Variants in LZIC observed in about 807,000 individuals in gnomAD.
The protein encoded by LZIC is protein LZIC.
In LZIC, 28 loss-of-function variants were observed where a neutral mutation model predicts 25.4. The observed-to-expected ratio is 1.10, with a 90% CI of 0.82 to 1.51. The LOEUF is 1.51. Among genes scored for constraint, LZIC ranks in the 40% most tolerant of loss-of-function variants. LZIC has a pLI of 0.00. For missense variants in LZIC, 170 were observed against 211.1 expected (o/e 0.81, Z 1.21); for synonymous variants, 65 against 70.7 (o/e 0.92, Z 0.40).
Position 9,929,798 on chromosome 1 carries a change from T to A in LZIC, c.*601A>T, listed in dbSNP as rs1056758906. 4.5e-5 allele frequency: 44 copies of A among 984,460 alleles called. No individual in the cohort carries two copies. Among genetic ancestry groups the A allele is most frequent in the East Asian group, 1.1e-4 (1 of 8,834 alleles). 61.0% of individuals were successfully genotyped at this position (984,460 alleles called of 1,614,324 possible). The stretch of plus-strand genomic sequence containing the variant: ...CACAAATAGTGTTAATTATTTTTTT[T>A]AAATGGTACAGAAATAAAATTCAAA... On this transcript the variant is annotated 3_prime_UTR_variant, in exon 8 of 8. Transcript: ENST00000377223.
chr1:9,942,419 G>A (rs762383505), intron 2 of LZIC, among the ~76,000 whole-genome samples: 3 of 152,262 alleles, frequency 2.0e-5, no homozygotes, highest in Non-Finnish European at 4.4e-5. Flanking sequence ...AGGAGCTAAA[G>A]CTATTCTGAA....
rs768995317 is a variant in LZIC, at chr1:9,928,183, G to A, written c.*2216C>T. On this transcript the variant is annotated 3_prime_UTR_variant, in exon 8 of 8. Coordinates refer to ENST00000377223, the MANE Select transcript of LZIC (RefSeq NM_032368.5). Reference sequence around the variant, plus strand: ...CACAAAATTAGCCAGGTGTGGTGGCGCATGCCTTAATCCCAGCTACTCGGG... The same window carrying A: ...CACAAAATTAGCCAGGTGTGGTGGCACATGCCTTAATCCCAGCTACTCGGG... Among the ~76,000 whole-genome samples, 4 of 151,970 alleles carry A rather than the reference G, an allele frequency of 2.6e-5. 1 individual carries two copies. Among genetic ancestry groups the A allele is most frequent in the East Asian group, 3.9e-4 (2 of 5,150 alleles).
intron 6 of LZIC, among the ~76,000 whole-genome samples, chr1:9,932,458 G>A (rs1381703002): frequency 2.0e-5 from 3 of 151,152 alleles, no homozygotes; most frequent in Non-Finnish European, 4.4e-5. Flanking sequence ...TGTGGCGGGC[G>A]GATCACCTGA....
Position 9,928,251 on chromosome 1 carries a change from T to G in LZIC, c.*2148A>C, listed in dbSNP as rs1414615520. ...TCGCTTGAACCTGGGAGGCAGAAGTTGTGGTGAGCCGAGATCACGCCATTG... is the reference window on the plus strand; with the variant it reads ...TCGCTTGAACCTGGGAGGCAGAAGTGGTGGTGAGCCGAGATCACGCCATTG... On this transcript the variant is annotated 3_prime_UTR_variant, in exon 8 of 8. Coordinates refer to ENST00000377223, the MANE Select transcript of LZIC (RefSeq NM_032368.5). Among the ~76,000 whole-genome samples the G allele has an allele frequency of 6.6e-6, 1 of 151,764 alleles. No homozygotes were observed. The highest frequency in any genetic ancestry group is 1.5e-5 in the Non-Finnish European group (1 of 67,960).
At chr1:9,939,398 C>CTTTTTTTTTT in intron 2 of LZIC, among the ~76,000 whole-genome samples, 1 of 127,586 alleles carries the variant, frequency 7.8e-6, no homozygotes. Flanking sequence ...CAGAGTATCG[C>CTTTTTTTTTT]TCTGTCACCC....
At chr1:9,931,193 A>G (rs1338945425) in intron 7 of LZIC, among the ~76,000 whole-genome samples, 1 of 152,102 alleles carries the variant, frequency 6.6e-6, no homozygotes, top group African/African-American at 2.4e-5. Flanking sequence ...CAGCTTCTCA[A>G]GTAGCTAGAA....
chr1:9,932,023 T>C (rs757587923), intron 6 of LZIC, 51 bp from the exon 7 acceptor site: 1 of 1,390,732 alleles, frequency 7.2e-7, no homozygotes, highest in Non-Finnish European at 9.9e-7. Context: ...TTACAGGTGG[T>C]TCTAGAAACC....
At chr1:9,930,653 A>T (rs756349125) in intron 7 of LZIC, among the ~76,000 whole-genome samples, 196 bp from the exon 8 acceptor site, 7 of 152,160 alleles carry the variant, frequency 4.6e-5, no homozygotes, top group African/African-American at 9.7e-5. Context: ...CCAGCTACAA[A>T]GGGGGACTTA....
chr1:9,925,269 G>A (rs1427095478), downstream of LZIC, among the ~76,000 whole-genome samples: 1 of 151,926 alleles, frequency 6.6e-6, no homozygotes, highest in Non-Finnish European at 1.5e-5. Flanking sequence ...GCCGAGATCG[G>A]GCCATTGCAC....
intron 6 of LZIC, 118 bp downstream of exon 6, chr1:9,932,685 G>GAA (rs34009055): frequency 0.11 from 32,075 of 280,296 alleles, 854 homozygotes; most frequent in African/African-American, 0.21. Context: ...CTCCGTCTCA[G>GAA]AAAAAAAAAA....
At position 9,928,134 on chromosome 1, in the gene LZIC, G is replaced by A. The variant is rs1640054858; in HGVS notation, c.*2265C>T. ...GTTCGAGACCAGCCTGACCAACATG[G>A]AGAAACCCCATCTCTACTAAAAACA... On this transcript the variant is annotated 3_prime_UTR_variant, in exon 8 of 8. Transcript: ENST00000377223. Among the ~76,000 whole-genome samples the A allele has an allele frequency of 6.6e-6, 1 of 152,034 alleles. No individual in the cohort carries two copies. Among genetic ancestry groups the A allele is most frequent in the African/African-American group, 2.4e-5 (1 of 41,396 alleles).
chr1:9,941,410 G>A (rs1296368565), intron 2 of LZIC, among the ~76,000 whole-genome samples: 1 of 151,730 alleles, frequency 6.6e-6, no homozygotes, highest in Non-Finnish European at 1.5e-5. Flanking sequence ...GGCCAGGCTG[G>A]TCTCAAACTC....
At chr1:9,925,979 C>T (rs1197925971), downstream of LZIC, among the ~76,000 whole-genome samples, 3 of 144,266 alleles carry the variant, frequency 2.1e-5, no homozygotes, top group South Asian at 2.2e-4. Flanking sequence ...CTGCAAGCTC[C>T]GCCTCCCGGG....
At chr1:9,930,775 A>C (rs1199905881) in intron 7 of LZIC, among the ~76,000 whole-genome samples, 1 of 152,098 alleles carries the variant, frequency 6.6e-6, no homozygotes, top group East Asian at 1.9e-4. Flanking sequence ...GCTGGAGTGC[A>C]GTGGTGCGAT....
At chr1:9,932,770 T>C (rs1448124696) in intron 6 of LZIC, 33 bp downstream of exon 6, 1 of 1,265,688 alleles carries the variant, frequency 7.9e-7, no homozygotes. Context: ...ATTCATACTT[T>C]TTCTTTGTAA....
intron 2 of LZIC, among the ~76,000 whole-genome samples, chr1:9,939,564 GGTATTTTTAGTAGAGACAGT>G (rs1416968789): frequency 1.6e-4 from 4 of 25,458 alleles, no homozygotes; most frequent in Non-Finnish European, 3.3e-4. Context: ...TTTTTTTTTT[GGTATTTTTAGTAGAGACAGT>G]GTTTCGCCAT....
chr1:9,933,992 T>A (rs1310632204), intron 5 of LZIC, among the ~76,000 whole-genome samples: 1 of 151,956 alleles, frequency 6.6e-6, no homozygotes, highest in Non-Finnish European at 1.5e-5. Context: ...TTTGGGAGGC[T>A]GAGGCGGGCA....
chr1:9,936,472 G>GA (rs1311719183), intron 3 of LZIC, 47 bp downstream of exon 3: 17 of 1,361,426 alleles, frequency 1.2e-5, no homozygotes, highest in African/African-American at 4.3e-5. Context: ...GCTAGCTGCA[G>GA]AAAAAACGCC....
At position 9,939,940 on chromosome 1, in the gene LZIC, G is replaced by A. The variant is rs541303219; in HGVS notation, c.-9+2684C>T. Among the ~76,000 whole-genome samples, 8 of 152,086 alleles carry A rather than the reference G, an allele frequency of 5.3e-5. No individual in the cohort carries two copies. In the East Asian group the frequency reaches 1.2e-3, roughly 22 times the overall value. On this transcript the variant is annotated intron_variant, in intron 2 of 7. Transcript: ENST00000377223. ...TACAGACCAGCCTGGCCGACACGGC[G>A]AAACCCCGTCTCTACAATAAATTAA...
Sources: allele counts gnomAD v4.1 joint callset (sites outside exome capture counted in the v4.1 genomes callset), GRCh38; gene constraint gnomAD v4.1.1; transcripts MANE v1.5; gene names NCBI Gene and HGNC (gene_info 2026-07-23, HGNC 2026-07-21).